CDC14A: variants seen among roughly 807,000 people sequenced by gnomAD.
CDC14A encodes the protein dual specificity protein phosphatase CDC14A.
CDC14A carries 53 observed loss-of-function variants against 74.4 expected under a neutral mutation model. The observed-to-expected ratio is 0.71, with a 90% confidence interval of 0.57 to 0.89. CDC14A has a LOEUF of 0.89. Ranked by LOEUF, CDC14A falls within the 40% of genes least tolerant of loss-of-function variation. The pLI is 0.00. For synonymous variants in CDC14A, 247 were observed against 258.4 expected, an observed-to-expected ratio of 0.96 and a Z score of 0.43; for missense variants, 646 against 713.7, an observed-to-expected ratio of 0.91 and a Z score of 1.08.
chr1:100,502,434 C>T (rs893089909), intron 15 of CDC14A, among the ~76,000 whole-genome samples: 6 of 152,206 alleles, frequency 3.9e-5, no homozygotes, highest in Admixed American at 1.3e-4. Context: ...TACAGGTTTG[C>T]AGCCTAGAAG....
At chr1:100,465,682 A>G (rs1246454823) in intron 9 of CDC14A, among the ~76,000 whole-genome samples, 2 of 152,224 alleles carry the variant, frequency 1.3e-5, no homozygotes, top group South Asian at 2.1e-4. Context: ...CTAGAAACCA[A>G]TTTGCTGGGG....
intron 5 of CDC14A, among the ~76,000 whole-genome samples, chr1:100,439,192 T>C (rs1664659950): frequency 1.3e-5 from 2 of 152,226 alleles, no homozygotes; most frequent in Admixed American, 1.3e-4. Context: ...GAGTACTTCA[T>C]GGTGCATTAG....
chr1:100,378,927 T>C lies in CDC14A; in HGVS notation c.216+1306T>C, dbSNP rs1193029873. On this transcript the variant is annotated intron_variant, in intron 3 of 15. Coordinates refer to ENST00000336454, the MANE Select transcript of CDC14A (RefSeq NM_003672.4). ...TTTTTGCAATCACCTAGGAAGTAAA[T>C]AATATCCTTTTTATAGAAAATGAAC... Among the ~76,000 whole-genome samples, 3 of 152,150 alleles carry C rather than the reference T, an allele frequency of 2.0e-5. No individual in the cohort carries two copies. In the East Asian group the frequency reaches 5.8e-4, roughly 29 times the overall value.
chr1:100,498,211 A>G lies in CDC14A; in HGVS notation c.1421+4A>G, dbSNP rs1557830718. ...CTTCGGGTGCCACTGTAAGAAGGTA[A>G]TTTTTCTCTCCCTCTTCTAAGGTGC... On this transcript the variant is annotated splice_donor_region_variant and intron_variant, in intron 14 of 15. Coordinates refer to ENST00000336454, the MANE Select transcript of CDC14A (RefSeq NM_003672.4). The G allele has an allele frequency of 1.9e-6, 3 of 1,613,150 alleles. No individual in the cohort carries two copies. Among genetic ancestry groups the G allele is most frequent in the Middle Eastern group, 1.7e-4 (1 of 6,038 alleles).
intron 4 of CDC14A, chr1:100,391,133 T>C: frequency 5.3e-6 from 2 of 378,064 alleles, no homozygotes; most frequent in East Asian, 6.1e-5. Flanking sequence ...AATGTGTGTG[T>C]GCATGTGTGT....
intron 7 of CDC14A, among the ~76,000 whole-genome samples, chr1:100,444,688 C>T (rs1026692975): frequency 2.0e-5 from 3 of 152,188 alleles, no homozygotes; most frequent in Admixed American, 2.0e-4. Context: ...TTACATCTCA[C>T]CTCTGGAGTA....
chr1:100,442,195 C>G (rs1397579154), intron 6 of CDC14A, among the ~76,000 whole-genome samples: 1 of 149,000 alleles, frequency 6.7e-6, no homozygotes, highest in African/African-American at 2.5e-5. Context: ...AAGTATAATT[C>G]TACTTTGTCA....
chr1:100,394,073 T>C, intron 4 of CDC14A: 1 of 222,910 alleles, frequency 4.5e-6, no homozygotes, highest in South Asian at 6.6e-5. Flanking sequence ...CTTTACCCCT[T>C]TTTCCCTCCC....
chr1:100,409,273 C>T lies in CDC14A; in HGVS notation c.310-14949C>T, dbSNP rs536979843. 5.4e-4 allele frequency among the ~76,000 whole-genome samples: 82 copies of T among 152,276 alleles called. No individual in the cohort carries two copies. In the South Asian group the frequency reaches 0.011, roughly 20 times the overall value. On this transcript the variant is annotated intron_variant, in intron 4 of 15. Coordinates refer to ENST00000336454, the MANE Select transcript of CDC14A (RefSeq NM_003672.4). ...CCCTCATGATTCAGACACCTCCCAT[C>T]GGGTCCCTCCCATAACATGTGGGAA...
At chr1:100,446,176 T>G (rs983064282) in intron 7 of CDC14A, among the ~76,000 whole-genome samples, 1 of 152,188 alleles carries the variant, frequency 6.6e-6, no homozygotes, top group Non-Finnish European at 1.5e-5. Context: ...CAGCAATTTG[T>G]GAGACTGTAA....
chr1:100,466,341 G>A (rs1048818648), intron 9 of CDC14A, among the ~76,000 whole-genome samples: 2 of 152,138 alleles, frequency 1.3e-5, no homozygotes, highest in Non-Finnish European at 2.9e-5. Context: ...TTATCTATAC[G>A]GTTGCCTATA....
At position 100,519,346 on chromosome 1, in the gene CDC14A, A is replaced by G. The variant is rs552340700; in HGVS notation, c.*1066A>G. ...CACGCTAGCATATCTGGAACCTACT[A>G]TGAAAATGAAAGGACCCTTATAGGT... On this transcript the variant is annotated 3_prime_UTR_variant, in exon 16 of 16. Coordinates refer to ENST00000336454, the MANE Select transcript of CDC14A (RefSeq NM_003672.4). 6.6e-6 allele frequency: 1 copy of G among 152,290 alleles called. No individual in the cohort carries two copies. The highest frequency in any genetic ancestry group is 2.4e-5 in the African/African-American group (1 of 41,580). The allele number at this position is 152,290 out of a possible 1,614,324, so 9.4% of individuals were successfully genotyped here.
chr1:100,351,604 A>T, upstream of CDC14A: 2 of 654,196 alleles, frequency 3.1e-6, no homozygotes, highest in South Asian at 3.8e-5. Context: ...GGACCAGTGG[A>T]CTCTCCTCTC....
At chr1:100,367,828 C>CT (rs1422660392) in intron 2 of CDC14A, among the ~76,000 whole-genome samples, 3 of 152,100 alleles carry the variant, frequency 2.0e-5, no homozygotes, top group Non-Finnish European at 4.4e-5. Context: ...TTTTTTCTAC[C>CT]TTTAACCTGA....
intron 8 of CDC14A, among the ~76,000 whole-genome samples, chr1:100,459,367 T>C (rs1667097341): frequency 6.6e-6 from 1 of 152,138 alleles, no homozygotes; most frequent in Non-Finnish European, 1.5e-5. Context: ...AGGCACCTAG[T>C]GAGGATTAGA....
intron 4 of CDC14A, among the ~76,000 whole-genome samples, chr1:100,407,989 A>G (rs554872228): frequency 2.4e-4 from 36 of 152,166 alleles, no homozygotes; most frequent in Middle Eastern, 3.4e-3. Context: ...TCATAGGGGT[A>G]TGTTGTACAG....
At chr1:100,371,843 A>G (rs901200847) in intron 2 of CDC14A, among the ~76,000 whole-genome samples, 2 of 152,256 alleles carry the variant, frequency 1.3e-5, no homozygotes, top group African/African-American at 2.4e-5. Flanking sequence ...AAAACAAGTT[A>G]TATTAGTCAA....
At chr1:100,454,974 A>G (rs1193732868) in intron 7 of CDC14A, among the ~76,000 whole-genome samples, 1 of 152,202 alleles carries the variant, frequency 6.6e-6, no homozygotes, top group Non-Finnish European at 1.5e-5. Flanking sequence ...AGAGAAAAAA[A>G]ATTGGAAGTG....
intron 4 of CDC14A, chr1:100,393,306 G>GCATTACAT: frequency 1.8e-6 from 2 of 1,122,902 alleles, no homozygotes; most frequent in South Asian, 2.5e-5. Context: ...TACTTTCCAG[G>GCATTACAT]CATTACATCC....
Sources: allele counts gnomAD v4.1 joint callset (sites outside exome capture counted in the v4.1 genomes callset), GRCh38; gene constraint gnomAD v4.1.1; transcripts MANE v1.5; gene names NCBI Gene and HGNC (gene_info 2026-07-23, HGNC 2026-07-21).